Variants in DGKG observed in about 807,000 individuals in gnomAD.
DGKG encodes the protein diacylglycerol kinase gamma.
Under a neutral mutation model 105.3 loss-of-function variants are expected in DGKG, and 78 were observed. That is an observed-to-expected ratio of 0.74 (90% confidence interval 0.62 to 0.89). The LOEUF (loss-of-function observed/expected upper bound fraction) is 0.89. DGKG is among the 40% of genes least tolerant of loss of function. DGKG has a pLI of 0.00. For synonymous variants in DGKG, 346 were observed against 367.1 expected (o/e 0.94, Z 0.66); for missense variants, 958 against 1,020.1 (o/e 0.94, Z 0.83).
intron 19 of DGKG, among the ~76,000 whole-genome samples, chr3:186,244,440 T>C (rs1720841172): frequency 6.6e-6 from 1 of 151,268 alleles, no homozygotes; most frequent in Non-Finnish European, 1.5e-5. Flanking sequence ...AGTCTCACTC[T>C]GTCACCCAAG....
At chr3:186,150,311 C>T in intron 24 of DGKG, 123 bp from the exon 25 acceptor site, 8 of 1,290,504 alleles carry the variant, frequency 6.2e-6, no homozygotes, top group Admixed American at 2.7e-5. Context: ...AGAAGGACAA[C>T]TGTCCTTGAA....
At position 186,311,728 on chromosome 3, in the gene DGKG, C is replaced by A. The variant is rs914464696; in HGVS notation, c.68-4751G>T. ...GGGACAGGGGTGCGTTCCATCTGAA[C>A]AAGCAGACAAATCAGAGACTTCAGT... On this transcript the variant is annotated intron_variant, in intron 2 of 24. Transcript: ENST00000265022. 1.3e-4 allele frequency among the ~76,000 whole-genome samples: 20 copies of A among 152,268 alleles called. 1 individual carries two copies. The highest frequency in any genetic ancestry group is 4.1e-4 in the African/African-American group (17 of 41,552).
intron 19 of DGKG, among the ~76,000 whole-genome samples, chr3:186,245,677 A>G (rs1720904880): frequency 6.6e-6 from 1 of 152,178 alleles, no homozygotes; most frequent in Admixed American, 6.5e-5. Context: ...TGGGGTGAAG[A>G]GGAGATGGTG....
intron 14 of DGKG, among the ~76,000 whole-genome samples, chr3:186,263,573 ACAAGCAAGCAAGCAAG>A (rs60417496): frequency 6.6e-6 from 1 of 151,150 alleles, no homozygotes; most frequent in Non-Finnish European, 1.5e-5. Context: ...ATCTCAAAAA[ACAAGCAAGCAAGCAAG>A]CAAGCAAGCA....
At chr3:186,201,261 G>A (rs1718445914) in intron 21 of DGKG, among the ~76,000 whole-genome samples, 1 of 152,046 alleles carries the variant, frequency 6.6e-6, no homozygotes, top group African/African-American at 2.4e-5. Context: ...GGAGTGGATG[G>A]GGCTTTTTGA....
intron 15 of DGKG, 51 bp from the exon 16 acceptor site, chr3:186,260,564 T>G: frequency 1.4e-5 from 19 of 1,311,536 alleles, no homozygotes; most frequent in Non-Finnish European, 1.6e-5. Flanking sequence ...AGAAGGAATA[T>G]GTCATCGTGA....
intron 1 of DGKG, among the ~76,000 whole-genome samples, chr3:186,353,092 A>G (rs140037050): frequency 1.3e-5 from 2 of 152,258 alleles, no homozygotes; most frequent in East Asian, 3.9e-4. Flanking sequence ...AGAATTTATT[A>G]CCCTCATTCC....
chr3:186,337,961 G>A (rs1294705040), intron 1 of DGKG, among the ~76,000 whole-genome samples: 3 of 152,014 alleles, frequency 2.0e-5, no homozygotes, highest in Non-Finnish European at 4.4e-5. Flanking sequence ...CCTGAGCCCA[G>A]GAGTTCAAGA....
At chr3:186,312,248 C>G (rs892688746) in intron 2 of DGKG, among the ~76,000 whole-genome samples, 1 of 148,896 alleles carries the variant, frequency 6.7e-6, no homozygotes, top group African/African-American at 2.5e-5. Flanking sequence ...TCTGAAAATC[C>G]ATATATGAGA....
intron 1 of DGKG, among the ~76,000 whole-genome samples, chr3:186,339,050 C>T (rs1725965399): frequency 6.6e-6 from 1 of 152,184 alleles, no homozygotes. Flanking sequence ...AGTTCCCCTA[C>T]ACCAGAAATT....
intron 24 of DGKG, among the ~76,000 whole-genome samples, chr3:186,156,802 G>A (rs962127605): frequency 2.0e-5 from 3 of 151,540 alleles, no homozygotes; most frequent in Admixed American, 6.6e-5. Flanking sequence ...ATTATTGCTG[G>A]TATACTATTA....
chr3:186,209,838 G>T (rs886265288), intron 21 of DGKG, among the ~76,000 whole-genome samples: 5 of 152,254 alleles, frequency 3.3e-5, no homozygotes, highest in Admixed American at 2.6e-4. Flanking sequence ...AATGGTGCCT[G>T]CCCCAATCCT....
chr3:186,157,413 T>C (rs141678141), intron 24 of DGKG, among the ~76,000 whole-genome samples: 11 of 152,302 alleles, frequency 7.2e-5, no homozygotes, highest in African/African-American at 2.6e-4. Flanking sequence ...ATATAGTCTA[T>C]AGTCTATAGT....
At chr3:186,190,359 C>T (rs1336696906) in intron 21 of DGKG, among the ~76,000 whole-genome samples, 3 of 152,192 alleles carry the variant, frequency 2.0e-5, no homozygotes, top group Admixed American at 1.3e-4. Context: ...ACATTGAAAA[C>T]TACATCAACG....
At chr3:186,299,853 G>A (rs1266170650) in intron 3 of DGKG, among the ~76,000 whole-genome samples, 8 of 25,004 alleles carry the variant, frequency 3.2e-4, no homozygotes, top group Non-Finnish European at 6.0e-4. Flanking sequence ...TTTTTTTTTT[G>A]AGATAGAGCC....
chr3:186,345,691 T>A (rs1050250739), intron 1 of DGKG, among the ~76,000 whole-genome samples: 1 of 152,238 alleles, frequency 6.6e-6, no homozygotes, highest in Non-Finnish European at 1.5e-5. Flanking sequence ...ATCTGGGGTT[T>A]TAGGCCCAAA....
intron 12 of DGKG, 99 bp from the exon 13 acceptor site, chr3:186,267,876 T>C: frequency 9.7e-7 from 1 of 1,029,630 alleles, no homozygotes; most frequent in Admixed American, 1.8e-5. Flanking sequence ...TGTCTAGTGC[T>C]CCCCCAAATC....
chr3:186,310,281 AAAAAAAAAC>A (rs1724470230), intron 2 of DGKG, among the ~76,000 whole-genome samples: 1 of 149,194 alleles, frequency 6.7e-6, no homozygotes, highest in Non-Finnish European at 1.5e-5. Context: ...AAAAAAAAAA[AAAAAAAAAC>A]CACACACACA....
intron 24 of DGKG, chr3:186,158,891 T>C (rs1417634582): frequency 1.1e-6 from 1 of 938,038 alleles, no homozygotes; most frequent in East Asian, 1.2e-4. Flanking sequence ...TGCTTTATGC[T>C]TTAGGCACAT....
Sources: allele counts gnomAD v4.1 joint callset (sites outside exome capture counted in the v4.1 genomes callset), GRCh38; gene constraint gnomAD v4.1.1; transcripts MANE v1.5; gene names NCBI Gene and HGNC (gene_info 2026-07-23, HGNC 2026-07-21).